TMEM170A: variants seen among roughly 807,000 people sequenced by gnomAD.
TMEM170A encodes transmembrane protein 170A.
In TMEM170A, 18 loss-of-function variants were observed where a neutral mutation model predicts 12.8. That is an observed-to-expected ratio of 1.41 (90% CI 0.97 to 2.09). The LOEUF is 2.09. Ranked by LOEUF, TMEM170A falls within the 30% of genes most tolerant of loss-of-function variation. The pLI, the probability that TMEM170A is intolerant of heterozygous loss-of-function variation, is 0.00. For synonymous variants in TMEM170A, 107 were observed against 76.2 expected (o/e 1.40, Z -2.11); for missense variants, 220 against 179.9 (o/e 1.22, Z -1.28).
intron 1 of TMEM170A, chr16:75,464,257 C>A: frequency 6.7e-7 from 1 of 1,498,000 alleles, no homozygotes; most frequent in South Asian, 1.2e-5. Context: ...GCATCTCACG[C>A]CCAGCGGGAC....
intron 1 of TMEM170A, 40 bp downstream of exon 1, chr16:75,464,428 C>G (rs749300384): frequency 1.4e-6 from 2 of 1,399,786 alleles, no homozygotes; most frequent in Admixed American, 3.9e-5. Flanking sequence ...GCAGCGGCGA[C>G]GGCGGGGCGC....
chr16:75,456,417 C>T (rs1274864291), intron 1 of TMEM170A, among the ~76,000 whole-genome samples: 1 of 152,098 alleles, frequency 6.6e-6, no homozygotes, highest in Non-Finnish European at 1.5e-5. Context: ...GCGAAACCGT[C>T]TCGACCAAAA....
intron 1 of TMEM170A, among the ~76,000 whole-genome samples, chr16:75,454,093 AGCAGGGTTTCTTGACCACC>A (rs2079738469): frequency 6.6e-6 from 1 of 152,198 alleles, no homozygotes; most frequent in African/African-American, 2.4e-5. Context: ...AGCTTAGCTC[AGCAGGGTTTCTTGACCACC>A]GCCCTCCGCC....
intron 1 of TMEM170A, among the ~76,000 whole-genome samples, chr16:75,455,278 A>C (rs2079769206): frequency 6.9e-6 from 1 of 145,496 alleles, no homozygotes; most frequent in Non-Finnish European, 1.5e-5. Flanking sequence ...AATAGTGTGA[A>C]CTCGGGAGGC....
chr16:75,454,162 C>G (rs1323924934), intron 1 of TMEM170A, among the ~76,000 whole-genome samples: 1 of 134,036 alleles, frequency 7.5e-6, no homozygotes, highest in Non-Finnish European at 1.8e-5. Flanking sequence ...ATTGTGGGGG[C>G]TGCACTGTGC....
intron 1 of TMEM170A, among the ~76,000 whole-genome samples, chr16:75,455,640 T>C (rs1462215047): frequency 1.3e-5 from 2 of 152,094 alleles, no homozygotes; most frequent in East Asian, 3.9e-4. Context: ...CTGTCTCTCC[T>C]AAAAATACGT....
At chr16:75,463,428 T>A (rs1047576904) in intron 1 of TMEM170A, among the ~76,000 whole-genome samples, 2 of 152,098 alleles carry the variant, frequency 1.3e-5, no homozygotes, top group African/African-American at 4.8e-5. Context: ...ACCCGCTACT[T>A]CACAATCCCG....
chr16:75,447,595 A>G lies in TMEM170A; in HGVS notation c.398T>C (p.Leu133Ser). 6.2e-7 allele frequency: 1 copy of G among 1,613,816 alleles called. No homozygotes were observed. Among genetic ancestry groups the G allele is most frequent in the Non-Finnish European group, 8.5e-7 (1 of 1,179,914 alleles). Residue 133 changes from leucine (L) to serine (S), a missense_variant, in exon 3 of 3, where the codon TTG becomes TCG. Leu to Ser is a moderately radical substitution (Grantham distance 145). Transcript: ENST00000561878. ...TLGTGQTFCV[L>S]VVSFLRILAT... ...TAAAATCCGTAAAAAGGAGACCACCAAGACGCAAAATGTCTGTCCAGTGCC... is the reference window on the plus strand; with the variant it reads ...TAAAATCCGTAAAAAGGAGACCACCGAGACGCAAAATGTCTGTCCAGTGCC...
intron 2 of TMEM170A, among the ~76,000 whole-genome samples, chr16:75,448,302 C>T (rs960925295): frequency 4.6e-5 from 7 of 152,104 alleles, no homozygotes; most frequent in African/African-American, 1.7e-4. Flanking sequence ...CCTTTGTCTC[C>T]CAAGTCATTG....
chr16:75,458,828 G>C (rs2079846466), intron 1 of TMEM170A: 1 of 152,132 alleles, frequency 6.6e-6, no homozygotes, highest in Non-Finnish European at 1.5e-5. Flanking sequence ...TCAGTAAAAA[G>C]ACTAAGATCC....
In TMEM170A at chr16:75,464,494, T is replaced by C; in HGVS notation, c.107A>G (p.Asn36Ser). The change falls in exon 1 of 3, where the codon AAC (asparagine) becomes AGC (serine). Residue 36 changes from asparagine (N) to serine (S), a missense_variant. Asn to Ser is a conservative substitution (Grantham distance 46). Coordinates refer to ENST00000561878, the MANE Select transcript of TMEM170A (RefSeq NM_145254.3). ...TGGGAAGGAGCAGAGGGAAGTAGAGTTGGGGCACAGGGTCCCGTTGCCCAC... is the reference window on the plus strand; with the variant it reads ...TGGGAAGGAGCAGAGGGAAGTAGAGCTGGGGCACAGGGTCCCGTTGCCCAC... The part of the protein sequence containing the change: ...PRVGNGTLCP[N>S]STSLCSFPEM... The C allele has an allele frequency of 1.3e-6, 2 of 1,573,110 alleles. No homozygotes were observed. Among genetic ancestry groups the C allele is most frequent in the Non-Finnish European group, 1.7e-6 (2 of 1,163,258 alleles).
intron 1 of TMEM170A, among the ~76,000 whole-genome samples, chr16:75,460,501 C>G (rs1040730466): frequency 6.6e-6 from 1 of 152,270 alleles, no homozygotes; most frequent in South Asian, 2.1e-4. Flanking sequence ...TGCTCCCTGG[C>G]CTAGAACACA....
intron 1 of TMEM170A, among the ~76,000 whole-genome samples, chr16:75,455,420 T>C (rs935417721): frequency 4.7e-5 from 7 of 150,502 alleles, no homozygotes; most frequent in African/African-American, 1.2e-4. Flanking sequence ...CCAAGCCACA[T>C]TGTGAAGTAA....
In TMEM170A at chr16:75,464,416, C is replaced by G. The variant is rs2079961493; in HGVS notation, c.133+52G>C. 5.7e-6 allele frequency: 8 copies of G among 1,398,064 alleles called. No homozygotes were observed. The South Asian group carries it at 6.5e-5, about 11-fold the overall frequency. The allele number at this position is 1,398,064 out of a possible 1,614,324, so 86.6% of individuals were successfully genotyped here. A position where few individuals can be genotyped will look rare whatever the true frequency, so the allele number is the denominator to read the frequency against. On this transcript the variant is annotated intron_variant, in intron 1 of 2. Transcript: ENST00000561878. Reference sequence around the variant, plus strand: ...GCCCAGACTCGGGGCGCCCACAGCACGGCAGCGGCGACGGCGGGGCGCGCA... The same window carrying G: ...GCCCAGACTCGGGGCGCCCACAGCAGGGCAGCGGCGACGGCGGGGCGCGCA...
At chr16:75,457,884 A>G (rs2079827819) in intron 1 of TMEM170A, among the ~76,000 whole-genome samples, 2 of 152,330 alleles carry the variant, frequency 1.3e-5, no homozygotes, top group African/African-American at 4.8e-5. Context: ...AAGTCATTTC[A>G]AGTAGGAAAA....
chr16:75,464,250 T>G, intron 1 of TMEM170A: 1 of 1,500,708 alleles, frequency 6.7e-7, no homozygotes, highest in Non-Finnish European at 8.8e-7. Flanking sequence ...GCTCTCTGCA[T>G]CTCACGCCCA....
At chr16:75,462,452 G>A (rs1439213834) in intron 1 of TMEM170A, among the ~76,000 whole-genome samples, 1 of 152,092 alleles carries the variant, frequency 6.6e-6, no homozygotes, top group Non-Finnish European at 1.5e-5. Flanking sequence ...CAGGTGATAC[G>A]CCTGCCTCAG....
At chr16:75,462,911 G>C (rs1395428792) in intron 1 of TMEM170A, among the ~76,000 whole-genome samples, 1 of 152,150 alleles carries the variant, frequency 6.6e-6, no homozygotes, top group Non-Finnish European at 1.5e-5. Flanking sequence ...ATGGTTTTTA[G>C]AAGATACATG....
intron 2 of TMEM170A, among the ~76,000 whole-genome samples, chr16:75,451,065 T>C (rs1045860269): frequency 2.6e-5 from 4 of 152,186 alleles, no homozygotes; most frequent in Non-Finnish European, 5.9e-5. Flanking sequence ...GCTCAAGTGA[T>C]AGCTGATCAG....
Sources: allele counts gnomAD v4.1 joint callset (sites outside exome capture counted in the v4.1 genomes callset), GRCh38; gene constraint gnomAD v4.1.1; transcripts MANE v1.5; gene names NCBI Gene and HGNC (gene_info 2026-07-23, HGNC 2026-07-21).